SMPX: variants seen among roughly 807,000 people sequenced by gnomAD.
SMPX encodes small muscle protein X-linked.
Under a neutral mutation model 6.3 loss-of-function variants are expected in SMPX, and 2 were observed. That is an observed-to-expected ratio of 0.32 (90% CI 0.13 to 0.99). The LOEUF is 0.99. Ranked by LOEUF, SMPX falls within the 50% of genes least tolerant of loss-of-function variation. The probability of loss-of-function intolerance (pLI) is 0.49; values close to 1 mark genes in which losing one functional copy is unlikely to be tolerated. For missense variants in SMPX, 60 were observed against 66.8 expected (o/e 0.90, Z 0.36); for synonymous variants, 32 against 24.7 (o/e 1.30, Z -0.88).
intron 4 of SMPX, among the ~76,000 whole-genome samples, chrX:21,733,253 T>C (rs749215706): frequency 8.9e-5 from 10 of 112,038 alleles, no homozygotes; most frequent in Non-Finnish European, 1.7e-4. Flanking sequence ...CAACTCATTC[T>C]CATTTACTGC....
intron 4 of SMPX, among the ~76,000 whole-genome samples, chrX:21,736,437 T>G (rs942234011): frequency 1.8e-5 from 2 of 112,243 alleles, no homozygotes; most frequent in African/African-American, 6.5e-5. Flanking sequence ...GCAGACTCCA[T>G]TTTTAGAATA....
chrX:21,731,551 A>ACACATACACACATAATGTGTG lies in SMPX; in HGVS notation c.*14+5997_*14+5998insCACACATTATGTGTGTATGTG, dbSNP rs1332352423. On this transcript the variant is annotated intron_variant, in intron 4 of 4. Coordinates refer to ENST00000379494, the MANE Select transcript of SMPX (RefSeq NM_014332.3). The stretch of plus-strand genomic sequence containing the variant: ...ACATACACATTATGTGTGTATGTGT[A>ACACATACACACATAATGTGTG]TATATACACATTATGTGTATATGTG... Among the ~76,000 whole-genome samples the ACACATACACACATAATGTGTG allele has an allele frequency of 6.6e-5, 5 of 76,133 alleles. 2 individuals carry two copies. Among genetic ancestry groups the ACACATACACACATAATGTGTG allele is most frequent in the Non-Finnish European group, 1.1e-4 (4 of 37,378 alleles). The allele number at this position is 76,133 out of a possible 115,157, so 66.1% of individuals were successfully genotyped here.
intron 3 of SMPX, among the ~76,000 whole-genome samples, chrX:21,742,206 GA>G (rs2092816802): frequency 8.9e-6 from 1 of 112,015 alleles, no homozygotes; most frequent in South Asian, 3.7e-4. Context: ...AGGAAGCAAA[GA>G]AAAATCTAAT....
At chrX:21,754,568 G>A (rs2092830813) in intron 1 of SMPX, among the ~76,000 whole-genome samples, 1 of 111,958 alleles carries the variant, frequency 8.9e-6, no homozygotes, top group African/African-American at 3.2e-5. Context: ...TCAGAAACTT[G>A]AAAGGTGCTA....
intron 4 of SMPX, among the ~76,000 whole-genome samples, chrX:21,721,646 G>A (rs968607761): frequency 8.0e-5 from 9 of 112,114 alleles, no homozygotes; most frequent in African/African-American, 2.9e-4. Context: ...AGAATTAACT[G>A]ATAGCAAGTG....
intron 4 of SMPX, among the ~76,000 whole-genome samples, chrX:21,713,585 C>T (rs1444337120): frequency 1.8e-5 from 2 of 111,424 alleles, no homozygotes; most frequent in African/African-American, 6.5e-5. Context: ...GGGAACTCCC[C>T]TTTATCAAAC....
chrX:21,728,238 CTCTCTCTCTCTCTCTCTCTCT>C (rs1283826291), intron 4 of SMPX, among the ~76,000 whole-genome samples: 7 of 84,998 alleles, frequency 8.2e-5, no homozygotes, highest in African/African-American at 3.3e-4. Flanking sequence ...CTCTCTCTCT[CTCTCTCTCTCTCTCTCTCTCT>C]CTCTCTCTCT....
chrX:21,720,838 A>G (rs1480342006), intron 4 of SMPX, among the ~76,000 whole-genome samples: 1 of 112,530 alleles, frequency 8.9e-6, no homozygotes, highest in African/African-American at 3.2e-5. Flanking sequence ...CCCAGTGATT[A>G]GTCCTTAGCA....
intron 3 of SMPX, among the ~76,000 whole-genome samples, chrX:21,742,429 G>A (rs2092817079): frequency 8.9e-6 from 1 of 112,100 alleles, no homozygotes; most frequent in African/African-American, 3.2e-5. Flanking sequence ...GAGGAATGGA[G>A]GTGATCCTAT....
intron 2 of SMPX, among the ~76,000 whole-genome samples, chrX:21,745,389 T>A (rs1254587265): frequency 9.0e-6 from 1 of 111,675 alleles, no homozygotes; most frequent in East Asian, 2.8e-4. Flanking sequence ...TATGGAGCCA[T>A]ACTTCATGAA....
intron 4 of SMPX, among the ~76,000 whole-genome samples, chrX:21,731,523 T>G (rs1468651626): frequency 1.1e-5 from 1 of 88,596 alleles, no homozygotes; most frequent in Non-Finnish European, 2.3e-5. Flanking sequence ...TGTGTATGTG[T>G]ACACATACAC....
intron 4 of SMPX, among the ~76,000 whole-genome samples, chrX:21,731,661 T>C (rs932992470): frequency 1.0e-5 from 1 of 98,055 alleles, no homozygotes; most frequent in South Asian, 4.8e-4. Context: ...TAAGTGTGTA[T>C]GTGTATGTGT....
At chrX:21,710,125 T>C (rs1789327659) in intron 4 of SMPX, among the ~76,000 whole-genome samples, 1 of 111,993 alleles carries the variant, frequency 8.9e-6, no homozygotes, top group South Asian at 3.8e-4. Context: ...GGGTTCAGCT[T>C]ATAGGCCTCT....
At chrX:21,736,059 T>C (rs2092810130) in intron 4 of SMPX, among the ~76,000 whole-genome samples, 1 of 112,417 alleles carries the variant, frequency 8.9e-6, no homozygotes, top group Non-Finnish European at 1.9e-5. Context: ...TCCTGTGTTC[T>C]TTTATGTAAC....
At chrX:21,723,703 C>T (rs1401295759) in intron 4 of SMPX, among the ~76,000 whole-genome samples, 1 of 111,797 alleles carries the variant, frequency 8.9e-6, no homozygotes, top group Non-Finnish European at 1.9e-5. Flanking sequence ...TGCAGGAACT[C>T]AACCAGTAAT....
chrX:21,748,244 C>T (rs932457545), intron 2 of SMPX, among the ~76,000 whole-genome samples: 7 of 111,937 alleles, frequency 6.3e-5, no homozygotes, highest in South Asian at 3.7e-4. Flanking sequence ...ATTCAAAACA[C>T]GGAAAACTTT....
chrX:21,751,581 G>C (rs996384296), intron 2 of SMPX, among the ~76,000 whole-genome samples: 1 of 112,138 alleles, frequency 8.9e-6, no homozygotes, highest in African/African-American at 3.2e-5. Flanking sequence ...GCAAGTACTG[G>C]AGACCTTGAG....
chrX:21,714,158 G>A (rs898872139), intron 4 of SMPX, among the ~76,000 whole-genome samples: 2 of 111,793 alleles, frequency 1.8e-5, no homozygotes, highest in Non-Finnish European at 3.8e-5. Context: ...GGGGGAAAAG[G>A]AAACCATCAA....
At chrX:21,723,945 G>C (rs987749890) in intron 4 of SMPX, among the ~76,000 whole-genome samples, 3 of 111,832 alleles carry the variant, frequency 2.7e-5, no homozygotes, top group African/African-American at 9.8e-5. Context: ...TCTTATCTGG[G>C]GCATGAGCTC....
Sources: allele counts gnomAD v4.1 joint callset (sites outside exome capture counted in the v4.1 genomes callset), GRCh38; gene constraint gnomAD v4.1.1; transcripts MANE v1.5; gene names NCBI Gene and HGNC (gene_info 2026-07-23, HGNC 2026-07-21).